ANKRD28: variants seen among roughly 807,000 people sequenced by gnomAD.
ANKRD28 encodes the protein ankyrin repeat domain 28.
A neutral mutation model predicts 126.5 loss-of-function variants in ANKRD28; 44 were observed. The ratio of observed to expected loss-of-function variants is 0.35; its 90% CI spans 0.27 to 0.45. ANKRD28 has a LOEUF of 0.45. Ranked by LOEUF, ANKRD28 falls within the 20% of genes least tolerant of loss-of-function variation. The probability of loss-of-function intolerance (pLI) is 1.00; values close to 1 mark genes in which losing one functional copy is unlikely to be tolerated. For missense variants in ANKRD28, 1,110 were observed against 1,316.6 expected, an observed-to-expected ratio of 0.84 and a Z score of 2.43; for synonymous variants, 442 against 468.5, an observed-to-expected ratio of 0.94 and a Z score of 0.73.
At chr3:15,703,367 C>T (rs2125981772) in intron 14 of ANKRD28, among the ~76,000 whole-genome samples, 1 of 152,328 alleles carries the variant, frequency 6.6e-6, no homozygotes, top group African/African-American at 2.4e-5. Context: ...CACACCCATT[C>T]ACATGGTGAA....
intron 22 of ANKRD28, 38 bp downstream of exon 22, chr3:15,679,433 TAAAAC>T: frequency 1.2e-6 from 2 of 1,613,274 alleles, no homozygotes; most frequent in Non-Finnish European, 1.7e-6. Context: ...GTGTATTTCT[TAAAAC>T]ACTCAAACCA....
intron 6 of ANKRD28, 30 bp from the exon 7 acceptor site, chr3:15,724,554 G>T: frequency 6.5e-7 from 1 of 1,537,022 alleles, no homozygotes; most frequent in East Asian, 2.4e-5. Context: ...GAAAAAAATA[G>T]AGATGAGCAT....
chr3:15,795,476 T>G (rs976427144), intron 1 of ANKRD28, among the ~76,000 whole-genome samples, 170 bp from the exon 2 acceptor site: 1 of 152,028 alleles, frequency 6.6e-6, no homozygotes, highest in African/African-American at 2.4e-5. Context: ...GGATTCCTAC[T>G]TGGAAAAAAA....
At chr3:15,827,815 G>C (rs1225792188) in intron 1 of ANKRD28, among the ~76,000 whole-genome samples, 1 of 152,160 alleles carries the variant, frequency 6.6e-6, no homozygotes, top group Admixed American at 6.5e-5. Context: ...CAGAGAACAG[G>C]AGAAAATATT....
chr3:15,823,837 G>C (rs2125917223), intron 1 of ANKRD28, among the ~76,000 whole-genome samples: 1 of 152,210 alleles, frequency 6.6e-6, no homozygotes, highest in Non-Finnish European at 1.5e-5. Context: ...CTGATGCAAA[G>C]AAAAAGCATT....
chr3:15,676,413 G>A (rs1575092176), intron 26 of ANKRD28, among the ~76,000 whole-genome samples: 1 of 152,198 alleles, frequency 6.6e-6, no homozygotes, highest in Admixed American at 6.5e-5. Flanking sequence ...CAAGCATCAT[G>A]ACTAATTTTT....
At chr3:15,773,668 G>A (rs1481037857) in intron 2 of ANKRD28, among the ~76,000 whole-genome samples, 7 of 151,928 alleles carry the variant, frequency 4.6e-5, no homozygotes, top group East Asian at 1.9e-4. Flanking sequence ...TATGAAACAC[G>A]CAAGAAAAAA....
intron 1 of ANKRD28, among the ~76,000 whole-genome samples, chr3:15,836,466 A>G (rs896714916): frequency 2.0e-4 from 31 of 152,320 alleles, no homozygotes; most frequent in Non-Finnish European, 2.9e-4. Flanking sequence ...CAACTGAGAT[A>G]CAAATCCAAC....
chr3:15,695,835 T>C (rs1375759555), intron 15 of ANKRD28, among the ~76,000 whole-genome samples: 5 of 152,256 alleles, frequency 3.3e-5, no homozygotes, highest in East Asian at 1.9e-4. Flanking sequence ...GACACAGTTA[T>C]AGTTTTTTAG....
chr3:15,675,635 G>A (rs2066859396), intron 27 of ANKRD28, among the ~76,000 whole-genome samples: 2 of 152,118 alleles, frequency 1.3e-5, no homozygotes, highest in African/African-American at 4.8e-5. Context: ...AAAATCTTTG[G>A]CTACTAAAAC....
In ANKRD28 at chr3:15,838,765, C is replaced by A. The variant is rs1272877075; in HGVS notation, c.27+20612G>T. Among the ~76,000 whole-genome samples the A allele has an allele frequency of 6.6e-6, 1 of 150,904 alleles. No homozygotes were observed. Among genetic ancestry groups the A allele is most frequent in the Non-Finnish European group, 1.5e-5 (1 of 67,630 alleles). ...CTCCGTCTCAAAAAAAAAAAAAAAT[C>A]TTCGCAAGAGAAGTTAAAACGTGTC... On this transcript the variant is annotated intron_variant, in intron 1 of 27. Coordinates refer to the ANKRD28 transcript ENST00000399451. The surrounding 1 kb of genome is among the most constrained non-coding windows in gnomAD (Gnocchi z 4.0).
Position 15,853,230 on chromosome 3 carries a change from G to A in ANKRD28, c.27+6147C>T, listed in dbSNP as rs75031699. On this transcript the variant is annotated intron_variant, in intron 1 of 27. Coordinates refer to the ANKRD28 transcript ENST00000399451. This position sits in a 1 kb window ranked among gnomAD's most constrained non-coding sequence, Gnocchi z 4.2. ...TTACTGATTTGATATGATGTGAACC[G>A]CCCATAGGATACATTATTCAAAACA... Among the ~76,000 whole-genome samples the A allele has an allele frequency of 5.5e-3, 830 of 152,044 alleles. 5 individuals carry two copies. The highest frequency in any genetic ancestry group is 0.018 in the South Asian group (86 of 4,808).
chr3:15,836,474 A>G (rs1482187130), intron 1 of ANKRD28, among the ~76,000 whole-genome samples: 3 of 152,188 alleles, frequency 2.0e-5, no homozygotes, highest in Non-Finnish European at 4.4e-5. Flanking sequence ...ATACAAATCC[A>G]ACCATTTCAA....
intron 13 of ANKRD28, 45 bp downstream of exon 13, chr3:15,709,623 A>G: frequency 1.5e-6 from 2 of 1,343,276 alleles, no homozygotes; most frequent in South Asian, 2.7e-5. Context: ...CAATCAAGTT[A>G]TTAAGTAAAA....
At chr3:15,823,749 T>C (rs2060997161) in intron 1 of ANKRD28, among the ~76,000 whole-genome samples, 1 of 152,212 alleles carries the variant, frequency 6.6e-6, no homozygotes, top group Admixed American at 6.5e-5. Context: ...ACCAGGAATG[T>C]AAGGGTGGTT....
At chr3:15,766,358 A>C (rs1414052931) in intron 2 of ANKRD28, 46 bp from the exon 3 acceptor site, 1 of 1,358,896 alleles carries the variant, frequency 7.4e-7, no homozygotes, top group Non-Finnish European at 1.0e-6. Context: ...AAATAAGATT[A>C]ATTTTAATAA....
At chr3:15,851,320 T>TGGCTTGAACTCGTAAGTTCAA (rs2061645872) in intron 1 of ANKRD28, among the ~76,000 whole-genome samples, 1 of 151,924 alleles carries the variant, frequency 6.6e-6, no homozygotes, top group Non-Finnish European at 1.5e-5. Flanking sequence ...GGGCTGCACA[T>TGGCTTGAACTCGTAAGTTCAA]GGCTTGAACT....
At chr3:15,678,164 GAT>G in intron 24 of ANKRD28, 43 bp downstream of exon 24, 1 of 1,540,152 alleles carries the variant, frequency 6.5e-7, no homozygotes, top group Non-Finnish European at 8.8e-7. Flanking sequence ...ATACATAAGT[GAT>G]ACACATACTT....
intron 11 of ANKRD28, among the ~76,000 whole-genome samples, chr3:15,711,583 T>C (rs1575316871): frequency 6.6e-6 from 1 of 152,200 alleles, no homozygotes; most frequent in East Asian, 1.9e-4. Flanking sequence ...ACAGGCAAAT[T>C]TTATAGAGAT....
Sources: gnomAD v4.1 joint callset for allele counts (sites outside exome capture counted in the v4.1 genomes callset) on GRCh38, gnomAD v4.1.1 for gene constraint, Gnocchi (gnomAD v3.1) non-coding constraint, MANE v1.5 for transcripts, NCBI Gene and HGNC (gene_info 2026-07-23, HGNC 2026-07-21) for gene names.